Variants in CKAP5 observed in about 807,000 individuals in gnomAD.
CKAP5 encodes cytoskeleton associated protein 5, also known as cytoskeleton-associated protein 5.
A neutral mutation model predicts 232.8 loss-of-function variants in CKAP5; 27 were observed. The observed-to-expected ratio is 0.12, with a 90% CI of 0.09 to 0.16. CKAP5 has a LOEUF of 0.16. Ranked by LOEUF, CKAP5 falls within the 10% of genes least tolerant of loss-of-function variation. The pLI, the probability that CKAP5 is intolerant of heterozygous loss-of-function variation, is 1.00. For missense variants in CKAP5, 1,838 were observed against 2,424.7 expected (o/e 0.76, Z 5.08); for synonymous variants, 785 against 841.1 (o/e 0.93, Z 1.16).
intron 1 of CKAP5, among the ~76,000 whole-genome samples, chr11:46,825,889 A>AT (rs1217254940): frequency 3.9e-5 from 6 of 152,142 alleles, no homozygotes; most frequent in Non-Finnish European, 8.8e-5. Flanking sequence ...AAAACTTAAG[A>AT]TTTTTATTAT....
At chr11:46,831,387 C>G (rs1463773366) in intron 1 of CKAP5, among the ~76,000 whole-genome samples, 2 of 152,156 alleles carry the variant, frequency 1.3e-5, no homozygotes, top group Non-Finnish European at 2.9e-5. Flanking sequence ...ACTTCACTCT[C>G]TCTCTTAACA....
At position 46,744,540 on chromosome 11, in the gene CKAP5, C is replaced by T. The variant is rs967956333; in HGVS notation, c.5742G>A (p.Thr1914=). The change falls in exon 43 of 44, where the codon ACG becomes ACA. Residue 1914 remains threonine (T), a synonymous_variant. Transcript: ENST00000529230. The part of the protein sequence containing the change: ...SPQMEVTCVP[T]PTSTVSSIGN... Reference sequence around the variant, plus strand: ...CTATGGAGGACACTGTGCTTGTGGGCGTGGGCACACATGTGACTTCCATCT... The same window carrying T: ...CTATGGAGGACACTGTGCTTGTGGGTGTGGGCACACATGTGACTTCCATCT... The T allele has an allele frequency of 1.7e-5, 28 of 1,613,856 alleles. No individual in the cohort carries two copies. The Admixed American group carries it at 2.0e-4, about 12-fold the overall frequency.
chr11:46,799,549 T>C (rs1457574031), intron 9 of CKAP5, among the ~76,000 whole-genome samples: 1 of 152,232 alleles, frequency 6.6e-6, no homozygotes, highest in African/African-American at 2.4e-5. Context: ...TGCTTGATAC[T>C]AAACACCGCA....
intron 18 of CKAP5, among the ~76,000 whole-genome samples, chr11:46,780,975 C>A (rs1244047880): frequency 2.0e-5 from 3 of 152,176 alleles, no homozygotes; most frequent in Non-Finnish European, 4.4e-5. Context: ...GGCTGACAAT[C>A]CTATTATGCT....
In CKAP5 at chr11:46,752,497, T is replaced by C. The variant is rs2065077161; in HGVS notation, c.5133+138A>G. On this transcript the variant is annotated intron_variant, in intron 38 of 43. Coordinates refer to ENST00000529230, the MANE Select transcript of CKAP5 (RefSeq NM_001008938.4). ...TTTTAAAAATTTATTAATATTTTTA[T>C]TACGAAAAATATATTTTCAGGTGTG... 2.0e-5 allele frequency: 11 copies of C among 550,310 alleles called. No individual in the cohort carries two copies. In the South Asian group the frequency reaches 3.1e-4, roughly 15 times the overall value. 34.1% of individuals were successfully genotyped at this position (550,310 alleles called of 1,614,324 possible). A position where few individuals can be genotyped will look rare whatever the true frequency, so the allele number is the denominator to read the frequency against.
At position 46,776,243 on chromosome 11, in the gene CKAP5, T is replaced by G. The variant is rs766947887; in HGVS notation, c.2991+12A>C. 54 of 1,612,322 alleles carry G rather than the reference T, an allele frequency of 3.3e-5. No homozygotes were observed. The Admixed American group carries it at 4.2e-4, about 12-fold the overall frequency. ...ACATGAGTAATGCACATGATTAATT[T>G]ATGATACTAACCTCTTGCCTCAAGA... is the stretch of plus-strand genomic sequence containing the variant. On this transcript the variant is annotated intron_variant, in intron 24 of 43. Coordinates refer to ENST00000529230, the MANE Select transcript of CKAP5 (RefSeq NM_001008938.4).
chr11:46,822,797 G>A (rs1188467231), intron 1 of CKAP5, among the ~76,000 whole-genome samples: 2 of 148,326 alleles, frequency 1.3e-5, no homozygotes, highest in Admixed American at 1.3e-4. Context: ...ATGTAAAAAT[G>A]TTGATACTGC....
chr11:46,770,801 G>A lies in CKAP5; in HGVS notation c.3173C>T (p.Thr1058Ile). 2 of 1,613,732 alleles carry A rather than the reference G, an allele frequency of 1.2e-6. No individual in the cohort carries two copies. Among genetic ancestry groups the A allele is most frequent in the South Asian group, 1.1e-5 (1 of 91,054 alleles). The change falls in exon 25 of 44, where the codon ACT becomes ATT. Residue 1058 changes from threonine (T) to isoleucine (I), a missense_variant. Physicochemically the swap from Thr to Ile is moderately conservative, Grantham distance 89. This residue lies in a region of CKAP5 where 767 missense variants were observed against 954.6 expected (regional missense o/e 0.80). Coordinates refer to ENST00000529230, the MANE Select transcript of CKAP5 (RefSeq NM_001008938.4). ...HLGYEKMAKA[T>I]GKLKPTSKDQ... ...AAGAAGTAGTACCTTTAGTTTCCCA[G>A]TAGCCTTGGCCATTTTTTCATATCC...
intron 8 of CKAP5, chr11:46,802,258 T>C (rs1251188865): frequency 6.6e-6 from 1 of 152,242 alleles, no homozygotes; most frequent in African/African-American, 2.4e-5. Context: ...GCCCAGCACT[T>C]ATCTAAACTC....
chr11:46,800,012 A>C (rs913753502), intron 9 of CKAP5, among the ~76,000 whole-genome samples: 5 of 152,156 alleles, frequency 3.3e-5, no homozygotes, highest in Admixed American at 2.6e-4. Flanking sequence ...AAAAAAAAAA[A>C]CTAAAATTAT....
rs771272741 is a variant in CKAP5, at chr11:46,809,775, G to T, written c.730C>A (p.Gln244Lys). 2 of 1,614,120 alleles carry T rather than the reference G, an allele frequency of 1.2e-6. No individual in the cohort carries two copies. The highest frequency in any genetic ancestry group is 1.7e-5 in the Admixed American group (1 of 60,006). ...SQQELEAKLE[Q>K]QQSAGGDAEG... ...GCATCTCCACCAGCAGACTGTTGTTGTTCCAATTTAGCTTCTAGTTCTTGT... is the reference window on the plus strand; with the variant it reads ...GCATCTCCACCAGCAGACTGTTGTTTTTCCAATTTAGCTTCTAGTTCTTGT... The change falls in exon 6 of 44, where the codon CAA becomes AAA. Residue 244 changes from glutamine to lysine, a missense_variant. Physicochemically the swap from Gln to Lys is moderately conservative, Grantham distance 53. Coordinates refer to ENST00000529230, the MANE Select transcript of CKAP5 (RefSeq NM_001008938.4).
intron 2 of CKAP5, chr11:46,820,748 A>C (rs1939506235): frequency 6.5e-6 from 1 of 152,794 alleles, no homozygotes; most frequent in Non-Finnish European, 1.5e-5. Context: ...GTAGATTCTG[A>C]GGGTAAATAT....
chr11:46,757,509 A>G (rs1331821153), intron 35 of CKAP5, among the ~76,000 whole-genome samples: 2 of 151,994 alleles, frequency 1.3e-5, no homozygotes, highest in Non-Finnish European at 2.9e-5. Flanking sequence ...AATTACAAAA[A>G]AATTTTCATT....
chr11:46,813,199 A>G (rs1048397381), intron 4 of CKAP5, among the ~76,000 whole-genome samples: 25 of 152,178 alleles, frequency 1.6e-4, no homozygotes, highest in African/African-American at 6.0e-4. Context: ...AAATGCTTTT[A>G]TATTATTAAA....
At chr11:46,827,808 C>T (rs540266356) in intron 1 of CKAP5, among the ~76,000 whole-genome samples, 78 of 152,158 alleles carry the variant, frequency 5.1e-4, no homozygotes, top group African/African-American at 1.8e-3. Context: ...GTAGTAGAAA[C>T]GGCATTAATA....
intron 42 of CKAP5, among the ~76,000 whole-genome samples, chr11:46,748,901 G>C (rs1452025566): frequency 6.6e-6 from 1 of 151,518 alleles, no homozygotes; most frequent in Non-Finnish European, 1.5e-5. Flanking sequence ...ATGCGATCTC[G>C]GCCCAGTGCA....
intron 2 of CKAP5, among the ~76,000 whole-genome samples, chr11:46,818,740 T>C (rs1000484303): frequency 6.6e-6 from 1 of 152,186 alleles, no homozygotes; most frequent in Non-Finnish European, 1.5e-5. Flanking sequence ...CCATTCATAA[T>C]AGGCCATTAT....
chr11:46,771,157 A>C (rs369627642), intron 24 of CKAP5, among the ~76,000 whole-genome samples, 175 bp from the exon 25 acceptor site: 1 of 152,230 alleles, frequency 6.6e-6, no homozygotes, highest in Non-Finnish European at 1.5e-5. Context: ...TTTAAATAAC[A>C]TATGCAATGA....
rs997106779 is a variant in CKAP5, at chr11:46,743,222, T to A, written c.*801A>T. The A allele has an allele frequency of 6.6e-6, 1 of 152,188 alleles. No individual in the cohort carries two copies. The highest frequency in any genetic ancestry group is 1.5e-5 in the Non-Finnish European group (1 of 68,038). The allele number at this position is 152,188 out of a possible 1,614,324, so 9.4% of individuals were successfully genotyped here. ...TCTCTGGGCGCAATCTTGTGTGCCTTTGGTCAGCAAAGTGGTAGGATGCCC... is the reference window on the plus strand; with the variant it reads ...TCTCTGGGCGCAATCTTGTGTGCCTATGGTCAGCAAAGTGGTAGGATGCCC... On this transcript the variant is annotated 3_prime_UTR_variant, in exon 44 of 44. Coordinates refer to ENST00000529230, the MANE Select transcript of CKAP5 (RefSeq NM_001008938.4).
Sources: allele counts gnomAD v4.1 joint callset (sites outside exome capture counted in the v4.1 genomes callset), GRCh38; gene constraint gnomAD v4.1.1; regional missense constraint gnomAD v4.1.1; transcripts MANE v1.5; gene names NCBI Gene and HGNC (gene_info 2026-07-23, HGNC 2026-07-21).